Variants in SETDB1 observed in about 807,000 individuals in gnomAD.
SETDB1 encodes the protein SET domain bifurcated histone lysine methyltransferase 1, also known as histone-lysine N-methyltransferase SETDB1.
SETDB1 carries 31 observed loss-of-function variants against 137.4 expected under a neutral mutation model. The observed-to-expected ratio is 0.23, with a 90% CI of 0.17 to 0.30. The LOEUF is 0.30. SETDB1 is among the 10% of genes least tolerant of loss of function. SETDB1 has a pLI of 1.00. For missense variants in SETDB1, 1,113 were observed against 1,631.5 expected (o/e 0.68, Z 5.47); for synonymous variants, 548 against 579.9 (o/e 0.95, Z 0.79).
At chr1:150,926,684 G>A in intron 1 of SETDB1, 167 bp downstream of exon 1, 1 of 522,658 alleles carries the variant, frequency 1.9e-6, no homozygotes, top group South Asian at 1.4e-5. Context: ...AGAATGGGTA[G>A]CACGGGGGTG....
intron 3 of SETDB1, among the ~76,000 whole-genome samples, chr1:150,938,826 C>CTTTT (rs368724725): frequency 7.6e-6 from 1 of 132,006 alleles, no homozygotes; most frequent in Non-Finnish European, 1.6e-5. Context: ...TTTTATCCTA[C>CTTTT]TTTTTTTTTT....
intron 3 of SETDB1, among the ~76,000 whole-genome samples, chr1:150,931,357 G>A (rs1465169385): frequency 1.3e-5 from 2 of 151,256 alleles, no homozygotes; most frequent in African/African-American, 2.4e-5. Context: ...AGGCCAAGGA[G>A]GGCGGATCAT....
At position 150,943,956 on chromosome 1, in the gene SETDB1, T is replaced by C. The variant is rs140937930; in HGVS notation, c.912T>C (p.Tyr304=). The C allele has an allele frequency of 9.2e-5, 148 of 1,613,564 alleles. No individual in the cohort carries two copies. Among genetic ancestry groups the C allele is most frequent in the Middle Eastern group, 1.6e-4 (1 of 6,084 alleles). ...LIFFDDGYAS[Y]VTQSELYPIC... ...TCTTTGATGATGGCTATGCTTCCTA[T>C]GTCACACAGTCGGAACTGTATCCCA... Residue 304 remains tyrosine (Y), a synonymous_variant, in exon 8 of 22, where the codon TAT becomes TAC. Coordinates refer to ENST00000692827, the MANE Select transcript of SETDB1 (RefSeq NM_001366418.1).
intron 3 of SETDB1, among the ~76,000 whole-genome samples, chr1:150,938,274 G>C (rs1184558710): frequency 6.6e-6 from 1 of 151,424 alleles, no homozygotes; most frequent in Non-Finnish European, 1.5e-5. Context: ...GATGAACCTT[G>C]TTTGAGGAAC....
At chr1:150,948,035 C>CA (rs1400240809) in intron 10 of SETDB1, among the ~76,000 whole-genome samples, 1 of 151,352 alleles carries the variant, frequency 6.6e-6, no homozygotes, top group African/African-American at 2.4e-5. Flanking sequence ...AGTTGGAGAT[C>CA]AGTCTGGGCA....
At chr1:150,958,587 A>G (rs1245092933) in intron 14 of SETDB1, among the ~76,000 whole-genome samples, 2 of 151,938 alleles carry the variant, frequency 1.3e-5, no homozygotes, top group Non-Finnish European at 2.9e-5. Context: ...TGTTTAGTAG[A>G]GCTCTTGGTG....
At chr1:150,951,196 A>T in intron 13 of SETDB1, 106 bp downstream of exon 13, 1 of 1,305,724 alleles carries the variant, frequency 7.7e-7, no homozygotes, top group East Asian at 2.3e-5. Context: ...ATCTTCCTTT[A>T]CCTCCTCCCT....
intron 3 of SETDB1, among the ~76,000 whole-genome samples, chr1:150,937,762 A>T (rs1669991381): frequency 6.6e-6 from 1 of 152,196 alleles, no homozygotes; most frequent in Admixed American, 6.6e-5. Context: ...CCCAAGAGAA[A>T]TGAGAACATT....
At chr1:150,963,797 C>A (rs751209263) in intron 20 of SETDB1, 56 bp downstream of exon 20, 5 of 1,532,414 alleles carry the variant, frequency 3.3e-6, no homozygotes, top group South Asian at 1.1e-5. Flanking sequence ...CCTCAGATTT[C>A]TTTTAACATA....
In SETDB1 at chr1:150,930,005, A is replaced by C. The variant is rs775078258; in HGVS notation, c.299A>C (p.Tyr100Ser). The C allele has an allele frequency of 3.7e-6, 6 of 1,613,864 alleles. No individual in the cohort carries two copies. The highest frequency in any genetic ancestry group is 2.2e-5 in the East Asian group (1 of 44,870). Residue 100 changes from tyrosine to serine, a missense_variant, in exon 3 of 22, where the codon TAC (tyrosine) becomes TCC (serine). Physicochemically the swap from Tyr to Ser is moderately radical, Grantham distance 144. This residue lies in a region of SETDB1 where 159 missense variants were observed against 188.6 expected (regional missense o/e 0.84). Coordinates refer to ENST00000692827, the MANE Select transcript of SETDB1 (RefSeq NM_001366418.1). ...TGTGAGTCTTTGGTGAAGGACTTCT[A>C]CTCCAAGCTGGGACTACAATACCGG... ...TNCESLVKDF[Y>S]SKLGLQYRDS... is the part of the protein sequence containing the mutation.
intron 10 of SETDB1, among the ~76,000 whole-genome samples, chr1:150,947,843 C>T (rs1012188106): frequency 6.6e-6 from 1 of 152,052 alleles, no homozygotes; most frequent in African/African-American, 2.4e-5. Flanking sequence ...GTTGATTTTT[C>T]CTGCCAAAAT....
At chr1:150,945,765 C>T (rs1670302165) in intron 9 of SETDB1, among the ~76,000 whole-genome samples, 1 of 152,082 alleles carries the variant, frequency 6.6e-6, no homozygotes, top group African/African-American at 2.4e-5. Flanking sequence ...CTCTTGTTGC[C>T]CAGGCTAGAG....
intron 21 of SETDB1, 29 bp downstream of exon 21, chr1:150,964,112 G>A: frequency 1.3e-6 from 2 of 1,590,390 alleles, no homozygotes. Flanking sequence ...GGATGACTGG[G>A]GAGGGGCAAG....
At chr1:150,963,788 C>T in intron 20 of SETDB1, 47 bp downstream of exon 20, 1 of 1,572,244 alleles carries the variant, frequency 6.4e-7, no homozygotes, top group Non-Finnish European at 8.8e-7. Context: ...TCCCATGGTC[C>T]TCAGATTTCT....
intron 8 of SETDB1, 28 bp from the exon 9 acceptor site, chr1:150,944,890 T>C (rs779417290): frequency 6.2e-7 from 1 of 1,612,430 alleles, no homozygotes; most frequent in Non-Finnish European, 8.5e-7. Context: ...CTACCTGCCC[T>C]CTCAGTTCTA....
chr1:150,964,162 C>T (rs1670915982), intron 21 of SETDB1, 79 bp downstream of exon 21: 2 of 1,517,958 alleles, frequency 1.3e-6, no homozygotes, highest in East Asian at 4.5e-5. Flanking sequence ...CATTCATGAT[C>T]CAACTCCACC....
chr1:150,934,586 T>C (rs1386966862), intron 3 of SETDB1, among the ~76,000 whole-genome samples: 1 of 152,170 alleles, frequency 6.6e-6, no homozygotes, highest in Non-Finnish European at 1.5e-5. Flanking sequence ...AAGCCAATAA[T>C]CTAGTGTTAT....
intron 6 of SETDB1, 40 bp downstream of exon 6, chr1:150,942,728 C>T: frequency 1.2e-6 from 2 of 1,603,570 alleles, no homozygotes; most frequent in African/African-American, 2.7e-5. Context: ...GAAAGGCAAC[C>T]TGCACCCTCC....
chr1:150,941,762 G>T (rs1670165031), intron 5 of SETDB1, among the ~76,000 whole-genome samples: 1 of 152,072 alleles, frequency 6.6e-6, no homozygotes, highest in Non-Finnish European at 1.5e-5. Context: ...GGAGGCTGAG[G>T]CAGGAGGATC....
Sources: gnomAD v4.1 joint callset for allele counts (sites outside exome capture counted in the v4.1 genomes callset) on GRCh38, gnomAD v4.1.1 for gene constraint, gnomAD v4.1.1 regional missense constraint, MANE v1.5 for transcripts, NCBI Gene and HGNC (gene_info 2026-07-23, HGNC 2026-07-21) for gene names.